Variants in MRPS28 observed in about 807,000 individuals in gnomAD.
MRPS28 encodes small ribosomal subunit protein bS1m.
MRPS28 carries 7 observed loss-of-function variants against 10.8 expected under a neutral mutation model. The ratio of observed to expected loss-of-function variants is 0.65; its 90% confidence interval spans 0.37 to 1.22. The LOEUF is 1.22. Ranked by LOEUF, MRPS28 falls within the 50% of genes most tolerant of loss-of-function variation. The probability of loss-of-function intolerance (pLI) is 0.02; values close to 1 mark genes in which losing one functional copy is unlikely to be tolerated. For synonymous variants in MRPS28, 121 were observed against 93.3 expected, an observed-to-expected ratio of 1.30 and a Z score of -1.71; for missense variants, 265 against 232.9, an observed-to-expected ratio of 1.14 and a Z score of -0.90.
intron 1 of MRPS28, among the ~76,000 whole-genome samples, chr8:80,019,999 T>A (rs113463020): frequency 6.6e-6 from 1 of 152,116 alleles, no homozygotes; most frequent in Non-Finnish European, 1.5e-5. Flanking sequence ...TAGGGAGACA[T>A]GAGACATCAA....
At chr8:80,023,195 G>C (rs1809412397) in intron 1 of MRPS28, among the ~76,000 whole-genome samples, 1 of 152,076 alleles carries the variant, frequency 6.6e-6, no homozygotes, top group Non-Finnish European at 1.5e-5. Context: ...GTAAAAACAG[G>C]TTGGCACCAT....
intron 1 of MRPS28, among the ~76,000 whole-genome samples, chr8:80,020,617 C>T (rs1190398703): frequency 1.3e-5 from 2 of 152,078 alleles, no homozygotes; most frequent in Non-Finnish European, 2.9e-5. Context: ...GAAACGAGAA[C>T]GAAGATGAGT....
chr8:79,946,387 A>C (rs1172429076), intron 2 of MRPS28, among the ~76,000 whole-genome samples: 3 of 152,120 alleles, frequency 2.0e-5, no homozygotes, highest in African/African-American at 7.2e-5. Flanking sequence ...TGTATGTACT[A>C]ATGAAAGTAC....
chr8:79,995,878 G>C (rs1808489751), intron 2 of MRPS28, among the ~76,000 whole-genome samples: 1 of 152,172 alleles, frequency 6.6e-6, no homozygotes, highest in East Asian at 1.9e-4. Context: ...TACTGGAAGA[G>C]GAAAATTAGG....
chr8:80,023,256 T>C (rs913518473), intron 1 of MRPS28, among the ~76,000 whole-genome samples: 1 of 152,154 alleles, frequency 6.6e-6, no homozygotes, highest in South Asian at 2.1e-4. Flanking sequence ...CAAATAGTTT[T>C]TAAAACACTG....
At chr8:79,952,667 C>A (rs184161687) in intron 2 of MRPS28, among the ~76,000 whole-genome samples, 2 of 152,238 alleles carry the variant, frequency 1.3e-5, no homozygotes, top group African/African-American at 2.4e-5. Context: ...AAGAGTCCCA[C>A]GCCATCAACA....
At chr8:79,919,898 T>A (rs974156382) in intron 2 of MRPS28, among the ~76,000 whole-genome samples, 1 of 151,582 alleles carries the variant, frequency 6.6e-6, no homozygotes, top group African/African-American at 2.4e-5. Flanking sequence ...GCTGCACCCA[T>A]TAACTCGTCA....
At chr8:80,027,054 GT>G (rs1317487354) in intron 1 of MRPS28, among the ~76,000 whole-genome samples, 1 of 151,618 alleles carries the variant, frequency 6.6e-6, no homozygotes. Context: ...CGGTACATCA[GT>G]TACAAGAGAT....
At chr8:80,023,479 TTC>T (rs1809421302) in intron 1 of MRPS28, among the ~76,000 whole-genome samples, 1 of 152,124 alleles carries the variant, frequency 6.6e-6, no homozygotes, top group African/African-American at 2.4e-5. Flanking sequence ...ATTTTAGATA[TTC>T]TGTCTTCTGG....
At chr8:79,992,221 GCCC>G in intron 2 of MRPS28, among the ~76,000 whole-genome samples, 1 of 152,166 alleles carries the variant, frequency 6.6e-6, no homozygotes, top group Non-Finnish European at 1.5e-5. Flanking sequence ...CTGGATTCCT[GCCC>G]CACAGCAATT....
intron 2 of MRPS28, among the ~76,000 whole-genome samples, chr8:79,969,800 T>C (rs989407136): frequency 2.0e-5 from 3 of 152,114 alleles, no homozygotes; most frequent in Non-Finnish European, 2.9e-5. Context: ...ACAGGAAAAC[T>C]AAATTGGTGC....
At chr8:80,002,358 A>C (rs919937773) in intron 2 of MRPS28, among the ~76,000 whole-genome samples, 2 of 152,192 alleles carry the variant, frequency 1.3e-5, no homozygotes, top group Non-Finnish European at 2.9e-5. Flanking sequence ...TCCTGATATC[A>C]AAAATAGTGA....
chr8:79,919,918 G>A (rs1276761956), intron 2 of MRPS28, among the ~76,000 whole-genome samples: 2 of 149,114 alleles, frequency 1.3e-5, no homozygotes, highest in Non-Finnish European at 3.0e-5. Flanking sequence ...ATTTACGTTA[G>A]GTATATCTCC....
chr8:79,983,817 C>T (rs368563945), intron 2 of MRPS28, among the ~76,000 whole-genome samples: 20 of 152,242 alleles, frequency 1.3e-4, no homozygotes, highest in African/African-American at 3.4e-4. Context: ...CTGAAAGTGA[C>T]GGGGAGAATG....
chr8:80,005,091 A>G (rs1808792865), intron 1 of MRPS28, among the ~76,000 whole-genome samples: 1 of 152,236 alleles, frequency 6.6e-6, no homozygotes, highest in African/African-American at 2.4e-5. Flanking sequence ...AACATCCCCA[A>G]TCTAGCAAGG....
At chr8:80,028,775 G>A (rs1047862270) in intron 1 of MRPS28, 38 of 153,408 alleles carry the variant, frequency 2.5e-4, no homozygotes, top group Middle Eastern at 1.1e-3. Flanking sequence ...ACCAGCCTGG[G>A]CAACATGGCA....
chr8:79,995,660 G>A (rs1808482468), intron 2 of MRPS28, among the ~76,000 whole-genome samples: 1 of 152,198 alleles, frequency 6.6e-6, no homozygotes, highest in African/African-American at 2.4e-5. Context: ...TTATCAGGAA[G>A]TTAGTTATCT....
chr8:79,979,647 C>A (rs369839947), intron 2 of MRPS28, among the ~76,000 whole-genome samples: 4 of 152,106 alleles, frequency 2.6e-5, no homozygotes. Context: ...CCTCAGCCTC[C>A]CAAAATGCTG....
At chr8:80,026,005 T>C (rs1417715246) in intron 1 of MRPS28, among the ~76,000 whole-genome samples, 1 of 152,198 alleles carries the variant, frequency 6.6e-6, no homozygotes, top group Admixed American at 6.5e-5. Context: ...TCTCCAGCCT[T>C]GAGAAAGTAA....
Sources: gnomAD v4.1 joint callset for allele counts (sites outside exome capture counted in the v4.1 genomes callset) on GRCh38, gnomAD v4.1.1 for gene constraint, MANE v1.5 for transcripts, NCBI Gene and HGNC (gene_info 2026-07-23, HGNC 2026-07-21) for gene names.